Variants in PUS7 observed in about 807,000 individuals in gnomAD.
The protein encoded by PUS7 is pseudouridine synthase 7, also known as pseudouridylate synthase 7 homolog.
In PUS7, 48 loss-of-function variants were observed where a neutral mutation model predicts 79.8. The ratio of observed to expected loss-of-function variants is 0.60; its 90% CI spans 0.48 to 0.76. PUS7 has a LOEUF of 0.76. PUS7 is among the 30% of genes least tolerant of loss of function. The pLI, the probability that PUS7 is intolerant of heterozygous loss-of-function variation, is 0.00. For synonymous variants in PUS7, 286 were observed against 272.2 expected, an observed-to-expected ratio of 1.05 and a Z score of -0.50; for missense variants, 729 against 797.6, an observed-to-expected ratio of 0.91 and a Z score of 1.04.
chr7:105,486,452 T>C (rs1427079186), intron 7 of PUS7, among the ~76,000 whole-genome samples: 1 of 152,178 alleles, frequency 6.6e-6, no homozygotes, highest in Non-Finnish European at 1.5e-5. Context: ...AGTGCAGTGG[T>C]GCAATCATAG....
At chr7:105,486,206 C>A (rs759069484) in intron 7 of PUS7, among the ~76,000 whole-genome samples, 1 of 151,928 alleles carries the variant, frequency 6.6e-6, no homozygotes, top group East Asian at 1.9e-4. Context: ...ACGCCTGCCA[C>A]CAAGCCCAGC....
intron 1 of PUS7, among the ~76,000 whole-genome samples, chr7:105,518,449 C>T (rs1825977623): frequency 1.3e-5 from 2 of 152,128 alleles, no homozygotes; most frequent in African/African-American, 4.8e-5. Flanking sequence ...GTCACCCAGG[C>T]TGGAGTGCAG....
In PUS7 at chr7:105,462,655, G is replaced by C. The variant is rs764448645; in HGVS notation, c.1723C>G (p.Arg575Gly). 1.9e-6 allele frequency: 3 copies of C among 1,613,710 alleles called. No homozygotes were observed. The highest frequency in any genetic ancestry group is 1.7e-5 in the Admixed American group (1 of 59,988). ...IRDYSLSGAY[R>G]KIIIRPQNVS... ...TTCTGAGGACGAATAATGATCTTTC[G>C]GTAGGCCCCTGACAAGGAATAATCT... Residue 575 changes from arginine (R) to glycine (G), a missense_variant, in exon 14 of 16, where the codon CGA becomes GGA. Coordinates refer to ENST00000469408, the MANE Select transcript of PUS7 (RefSeq NM_019042.5).
chr7:105,504,965 T>C (rs530733436), intron 4 of PUS7, among the ~76,000 whole-genome samples: 4 of 152,002 alleles, frequency 2.6e-5, no homozygotes, highest in Non-Finnish European at 5.9e-5. Flanking sequence ...GAAAACCCCA[T>C]AGCTCATTAA....
At chr7:105,461,868 T>C (rs534372073) in intron 14 of PUS7, among the ~76,000 whole-genome samples, 1 of 152,242 alleles carries the variant, frequency 6.6e-6, no homozygotes, top group South Asian at 2.1e-4. Flanking sequence ...GTTTAAGTAC[T>C]TGTGCATCTA....
At chr7:105,521,162 TCCCTCAATAGTCGAGGCTCC>T (rs1826092829) in intron 1 of PUS7, among the ~76,000 whole-genome samples, 1 of 123,466 alleles carries the variant, frequency 8.1e-6, no homozygotes, top group African/African-American at 2.6e-5. Flanking sequence ...TTTCGACAGA[TCCCTCAATAGTCGAGGCTCC>T]CCCAGGCCAA....
rs943215186 is a variant in PUS7, at chr7:105,459,361, C to A, written c.1758-102G>T. The A allele has an allele frequency of 1.6e-5, 10 of 638,314 alleles. No individual in the cohort carries two copies. In the African/African-American group the frequency reaches 1.7e-4, roughly 11 times the overall value. The allele number at this position is 638,314 out of a possible 1,614,324, so 39.5% of individuals were successfully genotyped here. On this transcript the variant is annotated intron_variant, in intron 14 of 15. Coordinates refer to ENST00000469408, the MANE Select transcript of PUS7 (RefSeq NM_019042.5). ...TTAGCAAGAAAAACAAGTAAGTTTA[C>A]TGTAAATAATTATAGTTAGGAATCT... is the stretch of plus-strand genomic sequence containing the variant.
chr7:105,514,597 C>T (rs982158328), intron 1 of PUS7, among the ~76,000 whole-genome samples: 3 of 151,166 alleles, frequency 2.0e-5, no homozygotes, highest in Admixed American at 6.6e-5. Context: ...GAGCGAGACT[C>T]CATCTCAAAA....
intron 1 of PUS7, among the ~76,000 whole-genome samples, chr7:105,513,964 G>A (rs576477030): frequency 7.2e-6 from 1 of 139,788 alleles, no homozygotes. Context: ...TGTAATCCCA[G>A]CACTTTGGGA....
intron 1 of PUS7, among the ~76,000 whole-genome samples, chr7:105,519,534 C>A (rs549024346): frequency 6.6e-6 from 1 of 152,284 alleles, no homozygotes; most frequent in South Asian, 2.1e-4. Context: ...CATGATGTCA[C>A]CAGGCCCGGC....
intron 1 of PUS7, among the ~76,000 whole-genome samples, chr7:105,520,519 AAAATAAATAAAT>A (rs139684453): frequency 0.76 from 106,554 of 140,022 alleles, 42,575 homozygotes; most frequent in Non-Finnish European, 0.88. Flanking sequence ...AGACTGTCTC[AAAATAAATAAAT>A]AAATAAATAA....
intron 11 of PUS7, among the ~76,000 whole-genome samples, chr7:105,469,226 C>A (rs1442900655): frequency 6.6e-6 from 1 of 152,002 alleles, no homozygotes; most frequent in East Asian, 1.9e-4. Flanking sequence ...TTTAATCTCT[C>A]ATTTTTTCTT....
rs113163757 is a variant in PUS7 at position 105,483,408 on chromosome 7, G to A, written c.921-968C>T. 7.5e-4 allele frequency among the ~76,000 whole-genome samples: 108 copies of A among 144,594 alleles called. 1 individual carries two copies. Among genetic ancestry groups the A allele is most frequent in the African/African-American group, 2.7e-3 (106 of 38,872 alleles). 94.9% of individuals were successfully genotyped at this position (144,594 alleles called of 152,430 possible). A position where few individuals can be genotyped will look rare whatever the true frequency, so the allele number is the denominator to read the frequency against. On this transcript the variant is annotated intron_variant, in intron 7 of 15. Coordinates refer to ENST00000469408, the MANE Select transcript of PUS7 (RefSeq NM_019042.5). ...TTGAACTCCTGACCTCAGGTGATCC[G>A]CCCGCCTCGGCCTCCCAAAGTGCTG...
At position 105,462,833 on chromosome 7, in the gene PUS7, G is replaced by A. The variant is rs1823491021; in HGVS notation, c.1628-83C>T. The stretch of plus-strand genomic sequence containing the variant: ...ACTAGATTATAAAGAGAGTAACAAT[G>A]TAAGTTCAGTTAGACTGCCCTAATA... On this transcript the variant is annotated intron_variant, in intron 13 of 15. Transcript: ENST00000469408. 3 of 1,308,998 alleles carry A rather than the reference G, an allele frequency of 2.3e-6. No homozygotes were observed. The South Asian group carries it at 4.0e-5, about 18-fold the overall frequency. The allele number at this position is 1,308,998 out of a possible 1,614,324, so 81.1% of individuals were successfully genotyped here.
At chr7:105,472,870 C>T (rs1238119963) in intron 9 of PUS7, among the ~76,000 whole-genome samples, 2 of 151,316 alleles carry the variant, frequency 1.3e-5, no homozygotes, top group African/African-American at 4.9e-5. Flanking sequence ...TCTCCTGTCT[C>T]AGCCTCCTGA....
intron 4 of PUS7, among the ~76,000 whole-genome samples, chr7:105,504,307 G>C (rs1488257224): frequency 6.6e-6 from 1 of 151,888 alleles, no homozygotes; most frequent in East Asian, 1.9e-4. Flanking sequence ...CTGACCTTAG[G>C]TGATCCACCC....
intron 8 of PUS7, 92 bp downstream of exon 8, chr7:105,482,220 G>C (rs948497209): frequency 2.8e-6 from 4 of 1,427,846 alleles, no homozygotes; most frequent in Admixed American, 2.0e-5. Flanking sequence ...GTTAGTACCA[G>C]CTCACCAGGA....
chr7:105,511,798 T>C (rs911911247), intron 1 of PUS7, among the ~76,000 whole-genome samples: 27 of 151,744 alleles, frequency 1.8e-4, no homozygotes, highest in African/African-American at 6.5e-4. Flanking sequence ...CAAAAAAGTA[T>C]TATGACAGCT....
At position 105,468,329 on chromosome 7, in the gene PUS7, C is replaced by T. The variant is rs917705687; in HGVS notation, c.1525+8G>A. 2.5e-6 allele frequency: 4 copies of T among 1,609,494 alleles called. No homozygotes were observed. Among genetic ancestry groups the T allele is most frequent in the Admixed American group, 3.4e-5 (2 of 58,724 alleles). ...TTAGCTGAGTAACAAAGACATCTGCCTTTTTACCTCCTTTGAGAACGAGGT... is the reference window on the plus strand; with the variant it reads ...TTAGCTGAGTAACAAAGACATCTGCTTTTTTACCTCCTTTGAGAACGAGGT... On this transcript the variant is annotated splice_region_variant and intron_variant, in intron 12 of 15. Transcript: ENST00000469408.
Sources: gnomAD v4.1 joint callset for allele counts (sites outside exome capture counted in the v4.1 genomes callset) on GRCh38, gnomAD v4.1.1 for gene constraint, MANE v1.5 for transcripts, NCBI Gene and HGNC (gene_info 2026-07-23, HGNC 2026-07-21) for gene names.